Variants in RABGAP1L observed in about 807,000 individuals in gnomAD.
RABGAP1L encodes RAB GTPase activating protein 1 like.
A neutral mutation model predicts 137.7 loss-of-function variants in RABGAP1L; 63 were observed. The observed-to-expected ratio is 0.46, with a 90% confidence interval of 0.37 to 0.56. The LOEUF is 0.56. Among genes scored for constraint, RABGAP1L ranks in the 20% least tolerant of loss-of-function variants. The pLI is 0.00. For synonymous variants in RABGAP1L, 431 were observed against 433.7 expected (o/e 0.99, Z 0.08); for missense variants, 1,095 against 1,244.0 (o/e 0.88, Z 1.80).
intron 13 of RABGAP1L, among the ~76,000 whole-genome samples, chr1:174,447,890 G>GCCCCCCCCC (rs11321562): frequency 8.6e-5 from 6 of 69,562 alleles, no homozygotes; most frequent in South Asian, 6.0e-4. Context: ...ACCCCTTACC[G>GCCCCCCCCC]CCCCCCCCCC....
At chr1:174,877,642 T>G (rs901499339) in intron 19 of RABGAP1L, 2 of 1,591,310 alleles carry the variant, frequency 1.3e-6, no homozygotes, top group Admixed American at 3.3e-5. Context: ...GGTTCTGTAT[T>G]TTCTTTTCTA....
At chr1:174,871,861 T>C (rs1652258661) in intron 19 of RABGAP1L, among the ~76,000 whole-genome samples, 2 of 152,230 alleles carry the variant, frequency 1.3e-5, no homozygotes, top group Non-Finnish European at 2.9e-5. Context: ...AGTATGAAAC[T>C]CTTCATTTTG....
intron 17 of RABGAP1L, 61 bp from the exon 18 acceptor site, chr1:174,752,252 G>A: frequency 8.4e-7 from 1 of 1,194,978 alleles, no homozygotes; most frequent in Non-Finnish European, 1.2e-6. Flanking sequence ...AAGTCTTGGG[G>A]AAATAATAAA....
chr1:174,715,362 A>T (rs1319673884), intron 17 of RABGAP1L, among the ~76,000 whole-genome samples: 4 of 152,182 alleles, frequency 2.6e-5, no homozygotes, highest in South Asian at 2.1e-4. Context: ...TAAAAATGAG[A>T]CCTTTCATTG....
chr1:174,202,816 A>G (rs1668224581), intron 1 of RABGAP1L, among the ~76,000 whole-genome samples: 1 of 152,082 alleles, frequency 6.6e-6, no homozygotes, highest in Non-Finnish European at 1.5e-5. Context: ...TCCATGTTGA[A>G]TTAATTTTTG....
chr1:174,459,265 T>C (rs998342257), intron 13 of RABGAP1L, among the ~76,000 whole-genome samples: 1 of 152,176 alleles, frequency 6.6e-6, no homozygotes, highest in Non-Finnish European at 1.5e-5. Context: ...GGCAGTACTA[T>C]TGTTTTAAAC....
At chr1:174,740,698 C>A (rs570670828) in intron 17 of RABGAP1L, among the ~76,000 whole-genome samples, 1 of 152,266 alleles carries the variant, frequency 6.6e-6, no homozygotes, top group South Asian at 2.1e-4. Context: ...TTCCCACCAA[C>A]AGTGTATATG....
chr1:174,640,770 G>T (rs1674466343), intron 14 of RABGAP1L, among the ~76,000 whole-genome samples: 1 of 151,444 alleles, frequency 6.6e-6, no homozygotes, highest in African/African-American at 2.4e-5. Context: ...TTATTGCACT[G>T]ACCACACCTT....
intron 13 of RABGAP1L, among the ~76,000 whole-genome samples, chr1:174,601,855 T>C (rs934030563): frequency 1.3e-5 from 2 of 152,088 alleles, no homozygotes; most frequent in East Asian, 1.9e-4. Context: ...TCCACAAATC[T>C]CTAGGGCAGG....
chr1:174,644,460 G>A (rs1244269246), intron 14 of RABGAP1L, among the ~76,000 whole-genome samples: 1 of 151,692 alleles, frequency 6.6e-6, no homozygotes, highest in Non-Finnish European at 1.5e-5. Flanking sequence ...ACGCCTAAGG[G>A]TTTGATTATA....
intron 13 of RABGAP1L, chr1:174,449,336 T>C (rs1325408868): frequency 7.5e-5 from 52 of 696,216 alleles, no homozygotes; most frequent in Non-Finnish European, 1.0e-4. Flanking sequence ...AAGGTTTCTC[T>C]CTTTTTTTTT....
intron 13 of RABGAP1L, among the ~76,000 whole-genome samples, chr1:174,607,308 T>C (rs1197374829): frequency 1.3e-5 from 2 of 152,200 alleles, no homozygotes; most frequent in African/African-American, 4.8e-5. Flanking sequence ...CCTCCACTTA[T>C]GTAATCTTTT....
At position 174,345,821 on chromosome 1, in the gene RABGAP1L, A is replaced by T. The variant is rs551526835; in HGVS notation, c.1466-25158A>T. Among the ~76,000 whole-genome samples the T allele has an allele frequency of 2.6e-5, 4 of 152,238 alleles. No individual in the cohort carries two copies. In the East Asian group the frequency reaches 5.8e-4, roughly 22 times the overall value. On this transcript the variant is annotated intron_variant, in intron 11 of 25. Coordinates refer to ENST00000681986, the MANE Select transcript of RABGAP1L (RefSeq NM_001366446.1). The stretch of plus-strand genomic sequence containing the variant: ...AAGTTGGGCTTCCTTGTTGTGTTCC[A>T]CTATCTTAGAGGAAAGACTTTCAGT...
intron 13 of RABGAP1L, among the ~76,000 whole-genome samples, chr1:174,538,584 T>C (rs531701028): frequency 6.6e-6 from 1 of 152,322 alleles, no homozygotes; most frequent in South Asian, 2.1e-4. Flanking sequence ...TCTTGACATT[T>C]AATTTTTCTA....
At chr1:174,529,079 C>T (rs1207432308) in intron 13 of RABGAP1L, among the ~76,000 whole-genome samples, 1 of 150,216 alleles carries the variant, frequency 6.7e-6, no homozygotes, top group Non-Finnish European at 1.5e-5. Context: ...TCAGAATTCT[C>T]TTATATCTCC....
chr1:174,403,094 T>C (rs1648806085), intron 13 of RABGAP1L, among the ~76,000 whole-genome samples: 1 of 152,124 alleles, frequency 6.6e-6, no homozygotes, highest in Non-Finnish European at 1.5e-5. Context: ...ATGCTTTTAA[T>C]TGATAAGCTT....
chr1:174,991,801 G>A lies in RABGAP1L; in HGVS notation c.*1800G>A, dbSNP rs1293459883. ...TTTTTTTTTTTTTTTTTTGTAAAATGTAATAGCTAGAAAATGTTATCTTGG... is the reference window on the plus strand; with the variant it reads ...TTTTTTTTTTTTTTTTTTGTAAAATATAATAGCTAGAAAATGTTATCTTGG... On this transcript the variant is annotated 3_prime_UTR_variant, in exon 26 of 26. Transcript: ENST00000681986. 1 of 141,400 alleles carries A rather than the reference G, an allele frequency of 7.1e-6. No homozygotes were observed. The highest frequency in any genetic ancestry group is 1.5e-5 in the Non-Finnish European group (1 of 65,920). 8.8% of individuals were successfully genotyped at this position (141,400 alleles called of 1,614,324 possible). A position where few individuals can be genotyped will look rare whatever the true frequency, so the allele number is the denominator to read the frequency against.
In RABGAP1L at chr1:174,305,000, C is replaced by G; in HGVS notation, c.1338C>G (p.Gly446=). The stretch of plus-strand genomic sequence containing the variant: ...ATTTTTCTCAGTCTGAGGGAAAAGG[C>G]CATACCAATGCTGGAGATGCAATAT... ...FMRLKQSEGK[G]HTNAGDAIYE... The change falls in exon 11 of 26, where the codon GGC becomes GGG. Residue 446 remains glycine, a synonymous_variant. Coordinates refer to ENST00000681986, the MANE Select transcript of RABGAP1L (RefSeq NM_001366446.1). 6.4e-7 allele frequency: 1 copy of G among 1,551,640 alleles called. No individual in the cohort carries two copies. The highest frequency in any genetic ancestry group is 8.7e-7 in the Non-Finnish European group (1 of 1,154,996).
chr1:174,410,018 T>C (rs1571669899), intron 13 of RABGAP1L, among the ~76,000 whole-genome samples: 1 of 152,168 alleles, frequency 6.6e-6, no homozygotes, highest in Non-Finnish European at 1.5e-5. Flanking sequence ...ATCTTTGTTA[T>C]CCTTTTTGCC....
Sources: allele counts gnomAD v4.1 joint callset (sites outside exome capture counted in the v4.1 genomes callset), GRCh38; gene constraint gnomAD v4.1.1; transcripts MANE v1.5; gene names NCBI Gene and HGNC (gene_info 2026-07-23, HGNC 2026-07-21).